The following ARHGAP12 variants were observed in gnomAD, a reference collection of about 807,000 sequenced individuals.
The protein encoded by ARHGAP12 is Rho GTPase activating protein 12, also known as rho GTPase-activating protein 12.
A neutral mutation model predicts 108.6 loss-of-function variants in ARHGAP12; 64 were observed. The ratio of observed to expected loss-of-function variants is 0.59; its 90% CI spans 0.48 to 0.73. The LOEUF (loss-of-function observed/expected upper bound fraction) is 0.73. Among genes scored for constraint, ARHGAP12 ranks in the 30% least tolerant of loss-of-function variants. The pLI is 0.00. For missense variants in ARHGAP12, 940 were observed against 1,005.9 expected (o/e 0.93, Z 0.89); for synonymous variants, 312 against 337.2 (o/e 0.93, Z 0.82).
At chr10:31,818,525 T>G (rs1296580026) in intron 12 of ARHGAP12, among the ~76,000 whole-genome samples, 1 of 152,166 alleles carries the variant, frequency 6.6e-6, no homozygotes, top group Non-Finnish European at 1.5e-5. Context: ...TTTCTTAAAC[T>G]TAAGTGAGGA....
chr10:31,905,004 A>G (rs1202827148), intron 3 of ARHGAP12, among the ~76,000 whole-genome samples: 1 of 152,176 alleles, frequency 6.6e-6, no homozygotes, highest in Non-Finnish European at 1.5e-5. Context: ...AAGACTGATC[A>G]GTAGTGATGT....
At chr10:31,892,845 T>C (rs1838510419) in intron 3 of ARHGAP12, among the ~76,000 whole-genome samples, 1 of 152,196 alleles carries the variant, frequency 6.6e-6, no homozygotes, top group Non-Finnish European at 1.5e-5. Context: ...ACCACATAGT[T>C]GGAAGTAAAG....
intron 9 of ARHGAP12, among the ~76,000 whole-genome samples, chr10:31,836,763 G>A (rs1164115204): frequency 6.6e-6 from 1 of 152,140 alleles, no homozygotes; most frequent in East Asian, 1.9e-4. Context: ...AGCCATGCAA[G>A]CGCAGAGGAG....
chr10:31,817,732 A>G (rs1399050856), intron 13 of ARHGAP12, 56 bp downstream of exon 13: 1 of 1,234,564 alleles, frequency 8.1e-7, no homozygotes, highest in Non-Finnish European at 1.1e-6. Flanking sequence ...AAGCAATTAA[A>G]AAAAAAAAAG....
chr10:31,897,671 C>T (rs7915537), intron 3 of ARHGAP12, among the ~76,000 whole-genome samples: 300 of 152,236 alleles, frequency 2.0e-3, no homozygotes, highest in African/African-American at 6.9e-3. Flanking sequence ...ACCCAATACC[C>T]CACTTCAGTT....
chr10:31,832,915 C>A (rs541938210), intron 9 of ARHGAP12, among the ~76,000 whole-genome samples: 1 of 152,080 alleles, frequency 6.6e-6, no homozygotes, highest in South Asian at 2.1e-4. Context: ...GGGAAATAGC[C>A]CATATGAAGT....
intron 3 of ARHGAP12, among the ~76,000 whole-genome samples, chr10:31,882,525 A>T (rs1346326302): frequency 6.6e-6 from 1 of 152,182 alleles, no homozygotes; most frequent in African/African-American, 2.4e-5. Flanking sequence ...CTTTAAGAGT[A>T]GAAACTAGGC....
intron 1 of ARHGAP12, among the ~76,000 whole-genome samples, chr10:31,923,509 C>G (rs779023624): frequency 6.6e-6 from 1 of 152,188 alleles, no homozygotes; most frequent in African/African-American, 2.4e-5. Context: ...ACAGTAGTTT[C>G]ATCTGTAACA....
intron 3 of ARHGAP12, among the ~76,000 whole-genome samples, chr10:31,892,516 A>T (rs879010467): frequency 6.6e-6 from 1 of 152,240 alleles, no homozygotes; most frequent in East Asian, 1.9e-4. Context: ...AGGCAATTAC[A>T]TAATGGTAAA....
Position 31,835,642 on chromosome 10 carries a change from G to A in ARHGAP12, c.1386+3663C>T, listed in dbSNP as rs1403031233. 2.6e-5 allele frequency among the ~76,000 whole-genome samples: 4 copies of A among 152,184 alleles called. No homozygotes were observed. The East Asian group carries it at 5.8e-4, about 22-fold the overall frequency. On this transcript the variant is annotated intron_variant, in intron 9 of 19. Transcript: ENST00000344936. ...TACTTCTCAATTTAGGCTAACAAGT[G>A]TGATATACCAAAATCAATACACCTG... is the stretch of plus-strand genomic sequence containing the variant.
chr10:31,927,689 C>T (rs1356202830), intron 1 of ARHGAP12, among the ~76,000 whole-genome samples: 1 of 152,224 alleles, frequency 6.6e-6, no homozygotes, highest in Non-Finnish European at 1.5e-5. Context: ...CTTTCAACGT[C>T]GTGCTTTAGC....
intron 16 of ARHGAP12, chr10:31,809,644 CAG>C (rs1834942103): frequency 5.1e-6 from 1 of 197,696 alleles, no homozygotes; most frequent in South Asian, 1.0e-4. Context: ...AGGAAGTCAG[CAG>C]GTAAAATCAG....
At chr10:31,818,015 C>A in intron 12 of ARHGAP12, 129 bp from the exon 13 acceptor site, 1 of 670,072 alleles carries the variant, frequency 1.5e-6, no homozygotes, top group Non-Finnish European at 2.6e-6. Context: ...AACAATGATG[C>A]AAGGTTAAAG....
intron 3 of ARHGAP12, among the ~76,000 whole-genome samples, chr10:31,878,200 GA>G: frequency 8.5e-6 from 1 of 118,034 alleles, no homozygotes; most frequent in Admixed American, 9.0e-5. Flanking sequence ...AAAGAAGTTG[GA>G]AAACAGAATA....
rs2132128796 is a variant in ARHGAP12, at chr10:31,807,480, G to T, written c.*178C>A. On this transcript the variant is annotated 3_prime_UTR_variant, in exon 20 of 20. Transcript: ENST00000344936. ...CGCAGTTATATCAACTTGCAACAAA[G>T]CAGCAAATATGAGGGCCTAACACAC... The T allele has an allele frequency of 2.1e-6, 1 of 472,626 alleles. No individual in the cohort carries two copies. The allele number at this position is 472,626 out of a possible 1,614,324, so 29.3% of individuals were successfully genotyped here.
intron 3 of ARHGAP12, among the ~76,000 whole-genome samples, chr10:31,878,316 G>C (rs112540153): frequency 6.6e-6 from 1 of 152,142 alleles, no homozygotes; most frequent in South Asian, 2.1e-4. Context: ...GGCCATGACC[G>C]TTTACACAGA....
At chr10:31,835,278 G>A (rs1184422341) in intron 9 of ARHGAP12, among the ~76,000 whole-genome samples, 1 of 151,176 alleles carries the variant, frequency 6.6e-6, no homozygotes, top group Non-Finnish European at 1.5e-5. Context: ...TACATAATAT[G>A]TGTCAAAATC....
chr10:31,917,088 A>G (rs1040864569), intron 1 of ARHGAP12, among the ~76,000 whole-genome samples: 1 of 152,088 alleles, frequency 6.6e-6, no homozygotes, highest in African/African-American at 2.4e-5. Context: ...AAATCCTCCG[A>G]GTATTTTTTA....
intron 9 of ARHGAP12, among the ~76,000 whole-genome samples, chr10:31,834,673 A>T (rs796639389): frequency 4.6e-4 from 70 of 152,294 alleles, no homozygotes; most frequent in African/African-American, 1.5e-3. Flanking sequence ...CACATCTGTT[A>T]TGTTCATCAA....
Sources: gnomAD v4.1 joint callset for allele counts (sites outside exome capture counted in the v4.1 genomes callset) on GRCh38, gnomAD v4.1.1 for gene constraint, MANE v1.5 for transcripts, NCBI Gene and HGNC (gene_info 2026-07-23, HGNC 2026-07-21) for gene names.